The following COL4A2 variants were observed in gnomAD, a reference collection of about 807,000 sequenced individuals.
The protein encoded by COL4A2 is collagen alpha-2(IV) chain.
A neutral mutation model predicts 200.2 loss-of-function variants in COL4A2; 99 were observed. The observed-to-expected ratio is 0.49, with a 90% CI of 0.42 to 0.58. The LOEUF (loss-of-function observed/expected upper bound fraction) is 0.58. COL4A2 is among the 20% of genes least tolerant of loss of function. COL4A2 has a pLI of 0.00. For synonymous variants in COL4A2, 897 were observed against 900.6 expected, an observed-to-expected ratio of 1.00 and a Z score of 0.07; for missense variants, 1,950 against 2,314.1, an observed-to-expected ratio of 0.84 and a Z score of 3.23.
At chr13:110,413,724 AG>A (rs1879937103) in intron 4 of COL4A2, among the ~76,000 whole-genome samples, 2 of 152,294 alleles carry the variant, frequency 1.3e-5, no homozygotes, top group African/African-American at 4.8e-5. Context: ...CTTGGGGGCA[AG>A]GCAGACAGGT....
chr13:110,425,433 G>A (rs1880435910), intron 6 of COL4A2, among the ~76,000 whole-genome samples: 1 of 152,112 alleles, frequency 6.6e-6, no homozygotes, highest in African/African-American at 2.4e-5. Flanking sequence ...AAAAACAAAA[G>A]GCATGGTTTG....
rs1038370996 is a variant in COL4A2 at position 110,381,388 on chromosome 13, G to A, written c.180+23836G>A. 7.9e-5 allele frequency among the ~76,000 whole-genome samples: 12 copies of A among 152,308 alleles called. No homozygotes were observed. The South Asian group carries it at 8.3e-4, about 11-fold the overall frequency. ...CTTGACATCCGCCTGCTCCTCTACC[G>A]TAGCCAGATTTCTTTAGGAAAAAAA... On this transcript the variant is annotated intron_variant, in intron 4 of 47. Coordinates refer to ENST00000360467, the MANE Select transcript of COL4A2 (RefSeq NM_001846.4).
At chr13:110,339,749 A>G (rs1009554230) in intron 3 of COL4A2, among the ~76,000 whole-genome samples, 2 of 152,192 alleles carry the variant, frequency 1.3e-5, no homozygotes, top group Non-Finnish European at 2.9e-5. Flanking sequence ...TGCTCAGTAA[A>G]CTTGGTGGGA....
At position 110,501,899 on chromosome 13, in the gene COL4A2, G is replaced by A. The variant is rs1389933373; in HGVS notation, c.3877+115G>A. ...ATTTCCACGCTGTGCCCAGACTCCGGTCAAAGAGGCAGGAGCCATGATGGC... is the reference window on the plus strand; with the variant it reads ...ATTTCCACGCTGTGCCCAGACTCCGATCAAAGAGGCAGGAGCCATGATGGC... On this transcript the variant is annotated intron_variant, in intron 41 of 47. Coordinates refer to ENST00000360467, the MANE Select transcript of COL4A2 (RefSeq NM_001846.4). The A allele has an allele frequency of 1.2e-5, 12 of 1,042,268 alleles. No individual in the cohort carries two copies. In the East Asian group the frequency reaches 2.7e-4, roughly 23 times the overall value. The allele number at this position is 1,042,268 out of a possible 1,614,324, so 64.6% of individuals were successfully genotyped here. A position where few individuals can be genotyped will look rare whatever the true frequency, so the allele number is the denominator to read the frequency against.
At chr13:110,496,236 C>G (rs1399239155) in intron 40 of COL4A2, among the ~76,000 whole-genome samples, 1 of 152,240 alleles carries the variant, frequency 6.6e-6, no homozygotes, top group African/African-American at 2.4e-5. Context: ...AAGCTAGAAC[C>G]AGACATCCAC....
At chr13:110,502,377 T>C (rs1293853456) in intron 41 of COL4A2, among the ~76,000 whole-genome samples, 1 of 152,184 alleles carries the variant, frequency 6.6e-6, no homozygotes, top group African/African-American at 2.4e-5. Context: ...CAGGCTGGAG[T>C]GCAGTGGCAC....
At chr13:110,340,869 T>G (rs987402193) in intron 3 of COL4A2, 2 of 152,274 alleles carry the variant, frequency 1.3e-5, no homozygotes, top group African/African-American at 4.8e-5. Flanking sequence ...TTCTGGGGAC[T>G]TCAGAGGACT....
At chr13:110,359,281 C>T (rs1481440607) in intron 4 of COL4A2, among the ~76,000 whole-genome samples, 1 of 152,144 alleles carries the variant, frequency 6.6e-6, no homozygotes, top group Non-Finnish European at 1.5e-5. Flanking sequence ...ATTCTGTTGC[C>T]TTTAAAACTG....
Position 110,489,693 on chromosome 13 carries a change from C to CT in COL4A2, c.3272-12dup. Reference sequence around the variant, plus strand: ...AGTGGAAAGTCCTGTTCTTAGCCGTCTTTTTTGCATGTAACAGGTGACATC... The same window carrying CT: ...AGTGGAAAGTCCTGTTCTTAGCCGTCTTTTTTTGCATGTAACAGGTGACATC... On this transcript the variant is annotated splice_polypyrimidine_tract_variant and intron_variant, in intron 35 of 47. Coordinates refer to ENST00000360467, the MANE Select transcript of COL4A2 (RefSeq NM_001846.4). 6.2e-7 allele frequency: 1 copy of CT among 1,614,120 alleles called. No individual in the cohort carries two copies. The highest frequency in any genetic ancestry group is 8.5e-7 in the Non-Finnish European group (1 of 1,179,954).
intron 3 of COL4A2, among the ~76,000 whole-genome samples, chr13:110,313,223 G>C (rs559418666): frequency 5.9e-5 from 9 of 152,256 alleles, no homozygotes; most frequent in Non-Finnish European, 1.3e-4. Flanking sequence ...TTTCCCTCTG[G>C]TGCCCACTCC....
chr13:110,342,865 GCCCAGGAAGAA>G (rs1324985803), intron 3 of COL4A2, among the ~76,000 whole-genome samples: 1 of 152,148 alleles, frequency 6.6e-6, no homozygotes, highest in Non-Finnish European at 1.5e-5. Flanking sequence ...GCACTCTGGA[GCCCAGGAAGAA>G]CCCATCTTCT....
chr13:110,354,369 G>A (rs1177510639), intron 3 of COL4A2, among the ~76,000 whole-genome samples: 1 of 152,140 alleles, frequency 6.6e-6, no homozygotes, highest in Non-Finnish European at 1.5e-5. Context: ...TATGGAGTTG[G>A]ATTTCTAGAA....
chr13:110,440,796 G>A (rs894143129), intron 16 of COL4A2, among the ~76,000 whole-genome samples: 17 of 152,070 alleles, frequency 1.1e-4, no homozygotes, highest in Non-Finnish European at 2.1e-4. Flanking sequence ...AGGCTCCCCA[G>A]ACACCACCAC....
rs897971063 is a variant in COL4A2, at chr13:110,449,876, C to T, written c.1189+87C>T. On this transcript the variant is annotated intron_variant, in intron 19 of 47. Coordinates refer to ENST00000360467, the MANE Select transcript of COL4A2 (RefSeq NM_001846.4). ...CACACAAGGGAGACTTCGTTGACGA[C>T]GTAGCTATGTCGTTGTTACTTTTCC... is the stretch of plus-strand genomic sequence containing the variant. 1.2e-5 allele frequency: 16 copies of T among 1,384,216 alleles called. No homozygotes were observed. In the African/African-American group the frequency reaches 1.2e-4, roughly 10 times the overall value. The allele number at this position is 1,384,216 out of a possible 1,614,324, so 85.7% of individuals were successfully genotyped here. A position where few individuals can be genotyped will look rare whatever the true frequency, so the allele number is the denominator to read the frequency against.
intron 16 of COL4A2, among the ~76,000 whole-genome samples, chr13:110,440,749 A>G (rs1335414818): frequency 1.3e-5 from 2 of 152,204 alleles, no homozygotes. Flanking sequence ...GTCCCACCCC[A>G]CAGCACACAG....
intron 3 of COL4A2, among the ~76,000 whole-genome samples, chr13:110,341,972 G>A (rs1328862694): frequency 1.3e-5 from 2 of 152,176 alleles, no homozygotes; most frequent in Non-Finnish European, 2.9e-5. Context: ...TACATAGGAG[G>A]ACTACAAGCC....
chr13:110,397,193 A>T (rs1879209088), intron 4 of COL4A2, among the ~76,000 whole-genome samples: 1 of 152,238 alleles, frequency 6.6e-6, no homozygotes, highest in South Asian at 2.1e-4. Context: ...ATTTGTCTGA[A>T]GATAAGTTAT....
At chr13:110,450,165 C>T in intron 19 of COL4A2, 140 bp from the exon 20 acceptor site, 1 of 693,318 alleles carries the variant, frequency 1.4e-6, no homozygotes, top group Non-Finnish European at 2.5e-6. Context: ...ATGAACTATA[C>T]CAATGGCTTC....
At chr13:110,457,962 C>T (rs1342070595) in intron 21 of COL4A2, 2 of 388,850 alleles carry the variant, frequency 5.1e-6, no homozygotes, top group East Asian at 1.4e-4. Context: ...CCTTTCCAGT[C>T]ACCTCAGGGA....
Sources: allele counts gnomAD v4.1 joint callset (sites outside exome capture counted in the v4.1 genomes callset), GRCh38; gene constraint gnomAD v4.1.1; transcripts MANE v1.5; gene names NCBI Gene and HGNC (gene_info 2026-07-23, HGNC 2026-07-21).